Variants in STPG4 observed in about 807,000 individuals in gnomAD.
The protein encoded by STPG4 is protein STPG4.
STPG4 carries 41 observed loss-of-function variants against 31.5 expected under a neutral mutation model. The observed-to-expected ratio is 1.30, with a 90% CI of 1.01 to 1.69. The LOEUF (loss-of-function observed/expected upper bound fraction) is 1.69, where lower values mean the gene tolerates loss of function less well. Ranked by LOEUF, STPG4 falls within the 40% of genes most tolerant of loss-of-function variation. STPG4 has a pLI of 0.00. For missense variants in STPG4, 375 were observed against 293.4 expected (o/e 1.28, Z -2.03); for synonymous variants, 141 against 103.0 (o/e 1.37, Z -2.24).
At chr2:47,107,250 G>A (rs1054032584) in intron 5 of STPG4, among the ~76,000 whole-genome samples, 4 of 152,086 alleles carry the variant, frequency 2.6e-5, no homozygotes, top group East Asian at 1.9e-4. Flanking sequence ...GGCCAGAGCC[G>A]GCTCCCTCAG....
chr2:47,121,847 C>CGTGTGTGTGTGT lies in STPG4; in HGVS notation c.519+8082_519+8093dup, dbSNP rs10538224. ...TTCTATATTTGAATTGCCCTCTCCTCGTGTGTGTGTGTGTGTGTGTGTGTG... is the reference window on the plus strand; with the variant it reads ...TTCTATATTTGAATTGCCCTCTCCTCGTGTGTGTGTGTGTGTGTGTGTGTGTGTGTGTGTGTG... On this transcript the variant is annotated intron_variant, in intron 5 of 6. Transcript: ENST00000445927. 7.4e-3 allele frequency among the ~76,000 whole-genome samples: 1,074 copies of CGTGTGTGTGTGT among 144,294 alleles called. 11 individuals are homozygous for CGTGTGTGTGTGT. The highest frequency in any genetic ancestry group is 0.013 in the African/African-American group (498 of 38,106). 94.7% of individuals were successfully genotyped at this position (144,294 alleles called of 152,430 possible).
At chr2:47,151,185 AC>A in intron 3 of STPG4, 72 bp downstream of exon 3, 1 of 1,542,352 alleles carries the variant, frequency 6.5e-7, no homozygotes, top group Non-Finnish European at 8.8e-7. Flanking sequence ...GATATACTCT[AC>A]GTATAAAAAT....
chr2:47,102,827 A>C (rs567759778), intron 5 of STPG4, among the ~76,000 whole-genome samples: 207 of 151,958 alleles, frequency 1.4e-3, no homozygotes, highest in Non-Finnish European at 2.5e-3. Flanking sequence ...TCTGATTTAA[A>C]GCAGATCAAG....
rs952394495 is a variant in STPG4 at position 47,105,166 on chromosome 2, G to A, written c.520-14792C>T. On this transcript the variant is annotated intron_variant, in intron 5 of 6. Coordinates refer to ENST00000445927, the MANE Select transcript of STPG4 (RefSeq NM_001163561.2). ...CACAGGACAGAACTTCTCTTTATAC[G>A]TCACAGAGAGAGCCGGGATAGCTCT... Among the ~76,000 whole-genome samples the A allele has an allele frequency of 4.7e-4, 72 of 151,958 alleles. 3 individuals carry two copies. Among genetic ancestry groups the A allele is most frequent in the African/African-American group, 1.6e-3 (66 of 41,306 alleles).
At chr2:47,097,435 A>G (rs1685696026) in intron 5 of STPG4, among the ~76,000 whole-genome samples, 2 of 152,252 alleles carry the variant, frequency 1.3e-5, no homozygotes, top group South Asian at 4.1e-4. Context: ...GATAGTGTTA[A>G]GATGTGGGGC....
chr2:47,119,429 C>G (rs1404771), intron 5 of STPG4, among the ~76,000 whole-genome samples: 126,083 of 152,168 alleles, frequency 0.83, 53,047 homozygotes, highest in South Asian at 0.95. Flanking sequence ...GAAATGGTCA[C>G]AATCAACTAC....
chr2:47,127,228 A>AAATAGCT (rs2103775926), intron 5 of STPG4, among the ~76,000 whole-genome samples: 1 of 134,816 alleles, frequency 7.4e-6, no homozygotes, highest in East Asian at 2.0e-4. Context: ...CTGTATTTTC[A>AAATAGCT]AATAGCTTGT....
At chr2:47,108,493 GC>G (rs111882413) in intron 5 of STPG4, 9 of 157,174 alleles carry the variant, frequency 5.7e-5, no homozygotes, top group African/African-American at 2.2e-4. Flanking sequence ...CTCCAGACGC[GC>G]CACCTTAAGA....
intron 3 of STPG4, among the ~76,000 whole-genome samples, chr2:47,147,691 A>G (rs73926741): frequency 0.011 from 1,750 of 152,246 alleles, 36 homozygotes; most frequent in African/African-American, 0.039. Context: ...GAAGGGGGCT[A>G]ATATCAAGGA....
intron 5 of STPG4, among the ~76,000 whole-genome samples, chr2:47,122,988 G>C (rs1026492117): frequency 2.6e-5 from 4 of 152,050 alleles, no homozygotes; most frequent in Non-Finnish European, 4.4e-5. Context: ...ACCACGCCCA[G>C]CTAATTTTTG....
At chr2:47,125,775 T>C (rs1686354961) in intron 5 of STPG4, among the ~76,000 whole-genome samples, 1 of 151,860 alleles carries the variant, frequency 6.6e-6, no homozygotes. Flanking sequence ...CCCAGGCTGG[T>C]CTCGAATTCC....
chr2:47,115,652 C>CTT (rs70940657), intron 5 of STPG4, among the ~76,000 whole-genome samples: 4,496 of 113,232 alleles, frequency 0.04, 310 homozygotes, highest in African/African-American at 0.065. Flanking sequence ...ACATTAAAGG[C>CTT]TTTTTTTTTT....
At chr2:47,099,657 G>A (rs990830325) in intron 5 of STPG4, among the ~76,000 whole-genome samples, 24 of 152,260 alleles carry the variant, frequency 1.6e-4, no homozygotes, top group African/African-American at 3.1e-4. Flanking sequence ...TCAGCCCACC[G>A]CTGCACTGTG....
intron 5 of STPG4, among the ~76,000 whole-genome samples, chr2:47,103,247 G>A (rs1685836283): frequency 1.3e-5 from 2 of 151,880 alleles, no homozygotes; most frequent in Admixed American, 6.5e-5. Context: ...TCAGGGAAAG[G>A]AGGAAAATCC....
At chr2:47,106,733 A>T (rs907742510) in intron 5 of STPG4, among the ~76,000 whole-genome samples, 2 of 151,962 alleles carry the variant, frequency 1.3e-5, no homozygotes, top group Admixed American at 6.6e-5. Context: ...TCAAATTCTT[A>T]TGCCAACCTC....
chr2:47,106,593 C>G (rs888896501), intron 5 of STPG4, among the ~76,000 whole-genome samples: 2 of 151,952 alleles, frequency 1.3e-5, no homozygotes, highest in African/African-American at 4.9e-5. Flanking sequence ...TAGACCTCCT[C>G]ACTGCTGAAA....
intron 2 of STPG4, among the ~76,000 whole-genome samples, chr2:47,151,919 G>GTTTTTTTTTTTT (rs71245620): frequency 9.4e-5 from 7 of 74,796 alleles, no homozygotes; most frequent in South Asian, 4.4e-4. Context: ...TTTTTGTTTT[G>GTTTTTTTTTTTT]TTTTTTTTTT....
intron 5 of STPG4, among the ~76,000 whole-genome samples, chr2:47,101,991 G>A (rs1333668953): frequency 6.6e-6 from 1 of 151,794 alleles, no homozygotes; most frequent in Non-Finnish European, 1.5e-5. Flanking sequence ...TCCTCCCTGT[G>A]GTCTAGGAGG....
intron 5 of STPG4, among the ~76,000 whole-genome samples, chr2:47,128,346 C>T (rs1686404374): frequency 6.6e-6 from 1 of 152,192 alleles, no homozygotes; most frequent in Non-Finnish European, 1.5e-5. Flanking sequence ...CGCCTAGCTA[C>T]TGCCCATGTT....
Sources: gnomAD v4.1 joint callset for allele counts (sites outside exome capture counted in the v4.1 genomes callset) on GRCh38, gnomAD v4.1.1 for gene constraint, MANE v1.5 for transcripts, NCBI Gene and HGNC (gene_info 2026-07-23, HGNC 2026-07-21) for gene names.